DCAF6: variants seen among roughly 807,000 people sequenced by gnomAD.
The protein encoded by DCAF6 is DDB1- and CUL4-associated factor 6.
A neutral mutation model predicts 125.1 loss-of-function variants in DCAF6; 54 were observed. The observed-to-expected ratio is 0.43, with a 90% CI of 0.35 to 0.54. The LOEUF is 0.54. Ranked by LOEUF, DCAF6 falls within the 20% of genes least tolerant of loss-of-function variation. The pLI, the probability that DCAF6 is intolerant of heterozygous loss-of-function variation, is 0.01. For synonymous variants in DCAF6, 371 were observed against 390.4 expected, an observed-to-expected ratio of 0.95 and a Z score of 0.58; for missense variants, 934 against 1,161.7, an observed-to-expected ratio of 0.80 and a Z score of 2.85.
the DCAF6 span, among the ~76,000 whole-genome samples, chr1:167,872,605 A>T: frequency 2.4e-3 from 358 of 151,882 alleles, 1 homozygote; most frequent in African/African-American, 8.3e-3. Flanking sequence ...TTTGTTGTCA[A>T]CCATGCTGTT....
At chr1:167,948,923 A>G (rs936441360) in intron 1 of DCAF6, among the ~76,000 whole-genome samples, 4 of 152,220 alleles carry the variant, frequency 2.6e-5, no homozygotes, top group African/African-American at 9.6e-5. Context: ...AAGTACTGGG[A>G]TTACAGGTGT....
Position 168,041,250 on chromosome 1 carries a change from G to T in DCAF6, c.1728-1775G>T, listed in dbSNP as rs528538083. Among the ~76,000 whole-genome samples the T allele has an allele frequency of 5.3e-5, 8 of 152,066 alleles. No homozygotes were observed. The South Asian group carries it at 1.7e-3, about 32-fold the overall frequency. On this transcript the variant is annotated intron_variant, in intron 13 of 21. Transcript: ENST00000367840. ...TTGTAAATTGTCTTTCAGATACTTT[G>T]CCCAGTTTTCTATGGTGTTTATCTT...
the DCAF6 span, chr1:167,919,967 T>C: frequency 1.3e-6 from 2 of 1,593,694 alleles, no homozygotes; most frequent in Non-Finnish European, 1.7e-6. Flanking sequence ...AAAATATCTC[T>C]GGTAGGCTTA....
At chr1:167,903,738 C>G in the DCAF6 span, 1 of 659,582 alleles carries the variant, frequency 1.5e-6, no homozygotes, top group Non-Finnish European at 2.8e-6. Context: ...TATACTATAT[C>G]ATATTTCAAA....
intron 5 of DCAF6, among the ~76,000 whole-genome samples, 189 bp from the exon 6 acceptor site, chr1:167,991,015 A>G (rs1680744976): frequency 6.6e-6 from 1 of 152,170 alleles, no homozygotes; most frequent in Admixed American, 6.5e-5. Context: ...ATGTATTAGA[A>G]ATATTTCTAG....
chr1:167,990,310 A>T (rs375074409), intron 5 of DCAF6, among the ~76,000 whole-genome samples: 1 of 151,932 alleles, frequency 6.6e-6, no homozygotes, highest in African/African-American at 2.4e-5. Flanking sequence ...TGAGGTTACA[A>T]TGAGCTGTGA....
chr1:168,040,915 G>T (rs921290197), intron 13 of DCAF6, among the ~76,000 whole-genome samples: 1 of 144,500 alleles, frequency 6.9e-6, no homozygotes, highest in Non-Finnish European at 1.5e-5. Context: ...CAAACAGGCA[G>T]AACTTAAAAA....
chr1:168,072,864 T>TC (rs1322955145), intron 21 of DCAF6, among the ~76,000 whole-genome samples: 1 of 152,210 alleles, frequency 6.6e-6, no homozygotes, highest in Non-Finnish European at 1.5e-5. Context: ...ATCATTATCT[T>TC]CCCCAGTTTC....
intron 1 of DCAF6, among the ~76,000 whole-genome samples, chr1:167,943,931 G>A (rs563403464): frequency 2.9e-4 from 43 of 149,992 alleles, no homozygotes; most frequent in Admixed American, 2.0e-4. Context: ...TTCCGCCTCC[G>A]AGGTTCACGC....
intron 17 of DCAF6, among the ~76,000 whole-genome samples, chr1:168,058,082 A>G (rs1691118513): frequency 1.3e-5 from 2 of 152,342 alleles, no homozygotes; most frequent in African/African-American, 2.4e-5. Flanking sequence ...GTCATACTGT[A>G]TACAAGACTG....
the DCAF6 span, among the ~76,000 whole-genome samples, chr1:167,906,662 A>G: frequency 6.6e-6 from 1 of 150,542 alleles, no homozygotes; most frequent in Admixed American, 6.6e-5. Flanking sequence ...GGTGGCATGC[A>G]CCTGTAGTCC....
chr1:167,962,878 C>A (rs1284871064), intron 2 of DCAF6, among the ~76,000 whole-genome samples: 1 of 151,326 alleles, frequency 6.6e-6, no homozygotes, highest in African/African-American at 2.4e-5. Context: ...TTGCTTGAAC[C>A]CAGGAGGCAG....
At chr1:168,067,999 A>G (rs1308949944) in intron 20 of DCAF6, among the ~76,000 whole-genome samples, 1 of 152,234 alleles carries the variant, frequency 6.6e-6, no homozygotes, top group African/African-American at 2.4e-5. Context: ...GTATTTCGTC[A>G]CTAAAGTTAT....
chr1:167,950,090 C>G (rs1302243490), intron 1 of DCAF6, among the ~76,000 whole-genome samples: 1 of 152,190 alleles, frequency 6.6e-6, no homozygotes, highest in Non-Finnish European at 1.5e-5. Context: ...CTTACTTTAT[C>G]TTCTATTCTT....
chr1:168,062,160 GTAT>G (rs888110119), intron 17 of DCAF6, among the ~76,000 whole-genome samples: 4 of 152,106 alleles, frequency 2.6e-5, no homozygotes, highest in African/African-American at 9.7e-5. Context: ...TAAAAAAAAT[GTAT>G]TATTCCACTT....
upstream of DCAF6, chr1:167,935,652 T>G (rs12731280): frequency 8.4e-7 from 1 of 1,189,298 alleles, no homozygotes; most frequent in Non-Finnish European, 1.2e-6. Flanking sequence ...CTAGAGGCAG[T>G]TGTCAGAGGG....
the DCAF6 span, chr1:167,896,632 C>T: frequency 9.3e-6 from 15 of 1,613,532 alleles, no homozygotes; most frequent in Admixed American, 5.0e-5. Flanking sequence ...GCATGAAGGT[C>T]GTACACTTTG....
At chr1:167,952,416 T>G (rs931317237) in intron 2 of DCAF6, among the ~76,000 whole-genome samples, 2 of 152,158 alleles carry the variant, frequency 1.3e-5, no homozygotes, top group Non-Finnish European at 2.9e-5. Context: ...AGACAGGGTT[T>G]CACTGTGTTA....
chr1:168,029,531 A>G (rs1686778837), intron 12 of DCAF6, among the ~76,000 whole-genome samples: 1 of 152,240 alleles, frequency 6.6e-6, no homozygotes, highest in African/African-American at 2.4e-5. Context: ...CAACAACAAC[A>G]TAAGACACTT....
Sources: gnomAD v4.1 joint callset for allele counts (sites outside exome capture counted in the v4.1 genomes callset) on GRCh38, gnomAD v4.1.1 for gene constraint, MANE v1.5 for transcripts, NCBI Gene and HGNC (gene_info 2026-07-23, HGNC 2026-07-21) for gene names.